SLCO1C1: variants seen among roughly 807,000 people sequenced by gnomAD.
The protein encoded by SLCO1C1 is OAT-RP-5.
Under a neutral mutation model 76.4 loss-of-function variants are expected in SLCO1C1, and 70 were observed. The observed-to-expected ratio is 0.92, with a 90% CI of 0.76 to 1.12. The LOEUF is 1.12. Ranked by LOEUF, SLCO1C1 falls within the 50% of genes most tolerant of loss-of-function variation. The pLI, the probability that SLCO1C1 is intolerant of heterozygous loss-of-function variation, is 0.00. For synonymous variants in SLCO1C1, 306 were observed against 286.1 expected, an observed-to-expected ratio of 1.07 and a Z score of -0.70; for missense variants, 912 against 823.8, an observed-to-expected ratio of 1.11 and a Z score of -1.31.
intron 9 of SLCO1C1, among the ~76,000 whole-genome samples, chr12:20,724,431 ATATATATATATATATATATATG>A (rs1565523636): frequency 1.7e-4 from 22 of 126,054 alleles, no homozygotes; most frequent in Admixed American, 4.1e-4. Context: ...ATATATATAT[ATATATATATATATATATATATG>A]TGTGTGTGTG....
At chr12:20,743,398 G>A (rs1948908017) in intron 13 of SLCO1C1, 29 bp downstream of exon 13, 3 of 1,536,360 alleles carry the variant, frequency 2.0e-6, no homozygotes, top group Admixed American at 3.4e-5. Flanking sequence ...TTAATTTATG[G>A]TAGACACCGT....
At chr12:20,704,601 C>A (rs565099010) in intron 3 of SLCO1C1, among the ~76,000 whole-genome samples, 2 of 151,872 alleles carry the variant, frequency 1.3e-5, no homozygotes, top group East Asian at 3.9e-4. Flanking sequence ...AAGACTAGGA[C>A]CACTGTGCAA....
Position 20,727,546 on chromosome 12 carries a change from G to A in SLCO1C1, c.1186+4292G>A, listed in dbSNP as rs1592284954. ...TGTTTTTGAGCCAGAGTCTCGCTCT[G>A]TCACCCAGGCTGGAGTGCAGTGGCG... is the stretch of plus-strand genomic sequence containing the variant. On this transcript the variant is annotated intron_variant, in intron 9 of 14. Coordinates refer to ENST00000266509, the MANE Select transcript of SLCO1C1 (RefSeq NM_017435.5). Among the ~76,000 whole-genome samples the A allele has an allele frequency of 3.3e-5, 5 of 152,340 alleles. No homozygotes were observed. In the South Asian group the frequency reaches 8.3e-4, roughly 25 times the overall value.
chr12:20,737,865 T>TCAGACTATATAG (rs1428906183), intron 11 of SLCO1C1, among the ~76,000 whole-genome samples: 1 of 152,086 alleles, frequency 6.6e-6, no homozygotes, highest in African/African-American at 2.4e-5. Flanking sequence ...TCTATTTTAG[T>TCAGACTATATAG]CAGTCCAGGC....
intron 14 of SLCO1C1, 79 bp downstream of exon 14, chr12:20,750,871 T>C: frequency 6.2e-7 from 1 of 1,613,774 alleles, no homozygotes; most frequent in Non-Finnish European, 8.5e-7. Context: ...CTAACAAGTT[T>C]TCATGTCATT....
chr12:20,704,309 C>T lies in SLCO1C1; in HGVS notation c.272-1640C>T, dbSNP rs577914919. On this transcript the variant is annotated intron_variant, in intron 3 of 14. Transcript: ENST00000266509. ...GTCTTGTATATGACATGCCCATTAACGTAACACAGAAATAGCTTGTAAACA... is the reference window on the plus strand; with the variant it reads ...GTCTTGTATATGACATGCCCATTAATGTAACACAGAAATAGCTTGTAAACA... Among the ~76,000 whole-genome samples the T allele has an allele frequency of 8.5e-5, 12 of 141,934 alleles. No individual in the cohort carries two copies. In the Middle Eastern group the frequency reaches 0.011, roughly 130 times the overall value. The allele number at this position is 141,934 out of a possible 152,430, so 93.1% of individuals were successfully genotyped here.
Position 20,750,283 on chromosome 12 carries a change from A to T in SLCO1C1, c.1799-392A>T, listed in dbSNP as rs116891791. Among the ~76,000 whole-genome samples the T allele has an allele frequency of 7.5e-3, 1,144 of 152,290 alleles. 31 individuals are homozygous for T. The highest frequency in any genetic ancestry group is 0.066 in the East Asian group (342 of 5,176). Reference sequence around the variant, plus strand: ...AAAGTGTTTAAGATATACCTAATAGATAGACTCAGTATGATTCCGGGACAG... The same window carrying T: ...AAAGTGTTTAAGATATACCTAATAGTTAGACTCAGTATGATTCCGGGACAG... On this transcript the variant is annotated intron_variant, in intron 13 of 14. Transcript: ENST00000266509.
rs1365343958 is a variant in SLCO1C1, at chr12:20,742,726, G to A, written c.1734-579G>A. Among the ~76,000 whole-genome samples the A allele has an allele frequency of 2.0e-5, 3 of 147,512 alleles. No homozygotes were observed. In the East Asian group the frequency reaches 6.0e-4, roughly 29 times the overall value. ...TTTTTTTTTTTTTTTTTTTTTAGTA[G>A]AGACGGGGTTTCACCGTGTTAGCCA... On this transcript the variant is annotated intron_variant, in intron 12 of 14. Coordinates refer to ENST00000266509, the MANE Select transcript of SLCO1C1 (RefSeq NM_017435.5).
At chr12:20,698,747 T>C (rs1188996428) in intron 1 of SLCO1C1, among the ~76,000 whole-genome samples, 1 of 152,002 alleles carries the variant, frequency 6.6e-6, no homozygotes, top group African/African-American at 2.4e-5. Flanking sequence ...ATACTTTGTT[T>C]GTTGAATTCC....
rs528277949 is a variant in SLCO1C1 at position 20,711,586 on chromosome 12, G to C, written c.529+76G>C. 1.0e-4 allele frequency: 154 copies of C among 1,497,472 alleles called. No homozygotes were observed. The African/African-American group carries it at 2.1e-3, about 20-fold the overall frequency. 92.8% of individuals were successfully genotyped at this position (1,497,472 alleles called of 1,614,324 possible). A position where few individuals can be genotyped will look rare whatever the true frequency, so the allele number is the denominator to read the frequency against. Reference sequence around the variant, plus strand: ...TATATGTGCTTTAGGATGGACAAAAGTGTCTATGATTTTTGCTCCCAAAAG... The same window carrying C: ...TATATGTGCTTTAGGATGGACAAAACTGTCTATGATTTTTGCTCCCAAAAG... On this transcript the variant is annotated intron_variant, in intron 5 of 14. Coordinates refer to ENST00000266509, the MANE Select transcript of SLCO1C1 (RefSeq NM_017435.5).
intron 7 of SLCO1C1, among the ~76,000 whole-genome samples, chr12:20,719,123 A>ATTATTAT (rs1421406858): frequency 6.7e-6 from 1 of 150,166 alleles, no homozygotes; most frequent in African/African-American, 2.4e-5. Context: ...TATTATTATT[A>ATTATTAT]TTATTATTAG....
intron 3 of SLCO1C1, among the ~76,000 whole-genome samples, chr12:20,703,041 T>G (rs1387819174): frequency 1.3e-5 from 2 of 151,834 alleles, no homozygotes; most frequent in Non-Finnish European, 2.9e-5. Context: ...TTCCAGACCA[T>G]TCTAGGTATA....
chr12:20,721,722 G>A, intron 7 of SLCO1C1, 82 bp from the exon 8 acceptor site: 3 of 1,458,952 alleles, frequency 2.1e-6, no homozygotes, highest in South Asian at 2.8e-5. Context: ...ATAGAGTTTT[G>A]CAAGAATTTA....
intron 1 of SLCO1C1, among the ~76,000 whole-genome samples, chr12:20,697,998 A>G (rs571626161): frequency 6.6e-6 from 1 of 152,086 alleles, no homozygotes; most frequent in Non-Finnish European, 1.5e-5. Flanking sequence ...TGTTTAGGGA[A>G]TAGTTTCAGA....
intron 2 of SLCO1C1, among the ~76,000 whole-genome samples, chr12:20,700,666 C>T (rs1946480296): frequency 6.6e-6 from 1 of 151,492 alleles, no homozygotes; most frequent in African/African-American, 2.4e-5. Flanking sequence ...TTTCTTTATA[C>T]AAATATTCAC....
intron 9 of SLCO1C1, among the ~76,000 whole-genome samples, chr12:20,723,814 T>A (rs1370740519): frequency 6.6e-6 from 1 of 152,124 alleles, no homozygotes; most frequent in Non-Finnish European, 1.5e-5. Context: ...AAAATCAAGA[T>A]TCGTTTCTTT....
intron 9 of SLCO1C1, among the ~76,000 whole-genome samples, chr12:20,730,481 C>G (rs1417070520): frequency 2.6e-5 from 4 of 152,138 alleles, no homozygotes; most frequent in Non-Finnish European, 1.5e-5. Flanking sequence ...AAGTTGGGTC[C>G]TAAATAACTG....
intron 3 of SLCO1C1, among the ~76,000 whole-genome samples, chr12:20,703,207 TC>T (rs1946605619): frequency 6.6e-6 from 1 of 151,874 alleles, no homozygotes; most frequent in Non-Finnish European, 1.5e-5. Context: ...TTAATTTACT[TC>T]TTTTGCCTCT....
chr12:20,731,067 A>G (rs1201949587), intron 9 of SLCO1C1, among the ~76,000 whole-genome samples: 3 of 152,212 alleles, frequency 2.0e-5, no homozygotes, highest in Admixed American at 1.3e-4. Flanking sequence ...GTGAATGATC[A>G]AAGGTTGATT....
Sources: gnomAD v4.1 joint callset for allele counts (sites outside exome capture counted in the v4.1 genomes callset) on GRCh38, gnomAD v4.1.1 for gene constraint, MANE v1.5 for transcripts, NCBI Gene and HGNC (gene_info 2026-07-23, HGNC 2026-07-21) for gene names.